The following ZDHHC11B variants were observed in gnomAD, a reference collection of about 807,000 sequenced individuals.
ZDHHC11B encodes zDHHC palmitoyltransferase 11B (putative), also known as probable palmitoyltransferase ZDHHC11B.
A neutral mutation model predicts 42.3 loss-of-function variants in ZDHHC11B; 17 were observed. That is an observed-to-expected ratio of 0.40 (90% confidence interval 0.27 to 0.60). ZDHHC11B has a LOEUF of 0.60. Among genes scored for constraint, ZDHHC11B ranks in the 20% least tolerant of loss-of-function variants. The pLI is 0.41. For synonymous variants in ZDHHC11B, 123 were observed against 193.5 expected (o/e 0.64, Z 3.02); for missense variants, 262 against 463.2 (o/e 0.57, Z 3.99).
chr5:749,788 A>G (rs1745364279), intron 7 of ZDHHC11B, among the ~76,000 whole-genome samples: 1 of 126,784 alleles, frequency 7.9e-6, no homozygotes. Flanking sequence ...CCACAGGGAG[A>G]GCCCAGACAA....
chr5:770,966 G>A (rs1007514730), intron 1 of ZDHHC11B, among the ~76,000 whole-genome samples: 1 of 151,810 alleles, frequency 6.6e-6, no homozygotes, highest in Non-Finnish European at 1.5e-5. Flanking sequence ...CCATGCATGG[G>A]CTTCGGTAAG....
At chr5:734,165 C>A (rs1471550513) in intron 10 of ZDHHC11B, among the ~76,000 whole-genome samples, 5 of 142,302 alleles carry the variant, frequency 3.5e-5, no homozygotes, top group African/African-American at 5.5e-5. Flanking sequence ...GGAGACAGGT[C>A]TGATATGCAG....
chr5:742,424 C>T (rs953436685), intron 9 of ZDHHC11B, among the ~76,000 whole-genome samples: 2 of 136,118 alleles, frequency 1.5e-5, no homozygotes, highest in African/African-American at 5.4e-5. Flanking sequence ...ATTTTGTTTG[C>T]CTGTGGCTTG....
In ZDHHC11B at chr5:744,395, A is replaced by C. The variant is rs1744510657; in HGVS notation, c.900+788T>G. ...GTAGGTTGTATTGTATTTTTTCTTTAAATCTTTGCTGGAATTCATGCATGA... is the reference window on the plus strand; with the variant it reads ...GTAGGTTGTATTGTATTTTTTCTTTCAATCTTTGCTGGAATTCATGCATGA... On this transcript the variant is annotated intron_variant, in intron 9 of 13. Transcript: ENST00000508859. Among the ~76,000 whole-genome samples, 3 of 148,966 alleles carry C rather than the reference A, an allele frequency of 2.0e-5. 1 individual carries two copies. The highest frequency in any genetic ancestry group is 4.5e-4 in the South Asian group (2 of 4,426).
chr5:766,237 A>G (rs537882492), intron 4 of ZDHHC11B, among the ~76,000 whole-genome samples: 1 of 151,868 alleles, frequency 6.6e-6, no homozygotes, highest in South Asian at 2.1e-4. Flanking sequence ...CAGGTCCCCT[A>G]CCCACTGGGA....
intron 1 of ZDHHC11B, among the ~76,000 whole-genome samples, chr5:783,558 A>C (rs1452216192): frequency 6.6e-6 from 1 of 152,350 alleles, no homozygotes; most frequent in East Asian, 1.9e-4. Flanking sequence ...AGAAGAGCCA[A>C]TAAACATGCC....
chr5:777,862 C>T (rs767118297), intron 1 of ZDHHC11B, among the ~76,000 whole-genome samples: 1 of 151,760 alleles, frequency 6.6e-6, no homozygotes, highest in African/African-American at 2.4e-5. Context: ...TGGGACCCGG[C>T]GGGGGCGGCG....
rs528983954 is a variant in ZDHHC11B, at chr5:718,583, T to C, written c.1059-1718A>G. Among the ~76,000 whole-genome samples the C allele has an allele frequency of 1.7e-3, 251 of 151,158 alleles. 4 individuals carry two copies. The highest frequency in any genetic ancestry group is 0.01 in the Middle Eastern group (3 of 294). On this transcript the variant is annotated intron_variant, in intron 12 of 13. Transcript: ENST00000508859. ...TGGTGGTGAGTGCCTGTAGTCCCAG[T>C]TACTCGGGAGGCTGAGGCAGGAGAA...
At chr5:720,079 A>G (rs1742070758) in intron 12 of ZDHHC11B, among the ~76,000 whole-genome samples, 1 of 151,782 alleles carries the variant, frequency 6.6e-6, no homozygotes, top group Non-Finnish European at 1.5e-5. Flanking sequence ...CCCACAGATA[A>G]TGGGGGAGCA....
chr5:773,767 C>G (rs1736243861), intron 1 of ZDHHC11B, among the ~76,000 whole-genome samples: 1 of 151,788 alleles, frequency 6.6e-6, no homozygotes, highest in South Asian at 2.1e-4. Context: ...TGAGCCCACC[C>G]CACTTGCGCC....
chr5:718,365 G>C (rs532078761), intron 12 of ZDHHC11B, among the ~76,000 whole-genome samples: 1 of 151,858 alleles, frequency 6.6e-6, no homozygotes, highest in East Asian at 1.9e-4. Context: ...ACATGTATGG[G>C]AGAGTGCTTG....
At chr5:754,661 G>A (rs1733561988) in intron 6 of ZDHHC11B, among the ~76,000 whole-genome samples, 2 of 100,980 alleles carry the variant, frequency 2.0e-5, no homozygotes, top group South Asian at 8.5e-4. Context: ...CCCCACCCTT[G>A]TGCTGGATGA....
At position 741,671 on chromosome 5, in the gene ZDHHC11B, T is replaced by C. The variant is rs560952749; in HGVS notation, c.901-43A>G. 32 of 1,527,106 alleles carry C rather than the reference T, an allele frequency of 2.1e-5. 1 individual carries two copies. The Admixed American group carries it at 4.8e-4, about 23-fold the overall frequency. 94.6% of individuals were successfully genotyped at this position (1,527,106 alleles called of 1,614,324 possible). A position where few individuals can be genotyped will look rare whatever the true frequency, so the allele number is the denominator to read the frequency against. ...ATTCGTCACATGAAAAAAGAAGTTG[T>C]TGACATGCAGCTGATTCTTACATAA... On this transcript the variant is annotated intron_variant, in intron 9 of 13. Transcript: ENST00000508859.
rs1362151286 is a variant in ZDHHC11B, at chr5:728,914, G to A, written c.1058+1520C>T. Among the ~76,000 whole-genome samples, 6 of 151,748 alleles carry A rather than the reference G, an allele frequency of 4.0e-5. No homozygotes were observed. In the East Asian group the frequency reaches 9.6e-4, roughly 24 times the overall value. ...TGTGGTCCCAGCTACTTGGGAGGCTGAGGTGGGTGGACTGCAAGAATCCAA... is the reference window on the plus strand; with the variant it reads ...TGTGGTCCCAGCTACTTGGGAGGCTAAGGTGGGTGGACTGCAAGAATCCAA... On this transcript the variant is annotated intron_variant, in intron 12 of 13. Transcript: ENST00000508859.
intron 9 of ZDHHC11B, among the ~76,000 whole-genome samples, chr5:742,757 C>A (rs564805281): frequency 1.7e-3 from 247 of 149,560 alleles, no homozygotes; most frequent in African/African-American, 5.9e-3. Context: ...TAAAACCAAA[C>A]CTGCAGTATC....
intron 12 of ZDHHC11B, among the ~76,000 whole-genome samples, chr5:721,944 C>T (rs1382417294): frequency 6.6e-6 from 1 of 151,664 alleles, no homozygotes; most frequent in African/African-American, 2.4e-5. Flanking sequence ...GAATTCAGGA[C>T]AGAAGAAGCT....
At chr5:764,833 G>A (rs1367428481) in intron 4 of ZDHHC11B, among the ~76,000 whole-genome samples, 1 of 151,848 alleles carries the variant, frequency 6.6e-6, no homozygotes, top group East Asian at 1.9e-4. Context: ...AGTCTAGTGG[G>A]GACTTGGAGA....
chr5:762,417 C>T (rs1734746398), intron 4 of ZDHHC11B, among the ~76,000 whole-genome samples: 1 of 151,862 alleles, frequency 6.6e-6, no homozygotes, highest in African/African-American at 2.4e-5. Flanking sequence ...AAAGCACATC[C>T]TTGGACCCCT....
chr5:767,781 C>T (rs1202721489), intron 2 of ZDHHC11B, among the ~76,000 whole-genome samples: 11 of 65,034 alleles, frequency 1.7e-4, no homozygotes, highest in African/African-American at 5.6e-4. Flanking sequence ...AAGGGGTGAG[C>T]TCCACAAGCA....
Sources: allele counts gnomAD v4.1 joint callset (sites outside exome capture counted in the v4.1 genomes callset), GRCh38; gene constraint gnomAD v4.1.1; transcripts MANE v1.5; gene names NCBI Gene and HGNC (gene_info 2026-07-23, HGNC 2026-07-21).